The following VTI1A variants were observed in gnomAD, a reference collection of about 807,000 sequenced individuals.
The protein encoded by VTI1A is vesicle transport through interaction with t-SNAREs 1A.
Under a neutral mutation model 34.9 loss-of-function variants are expected in VTI1A, and 22 were observed. The ratio of observed to expected loss-of-function variants is 0.63; its 90% confidence interval spans 0.45 to 0.90. The LOEUF (loss-of-function observed/expected upper bound fraction) is 0.90, where lower values mean the gene tolerates loss of function less well. Among genes scored for constraint, VTI1A ranks in the 40% least tolerant of loss-of-function variants. The pLI is 0.00. For missense variants in VTI1A, 268 were observed against 275.6 expected (o/e 0.97, Z 0.20); for synonymous variants, 87 against 97.3 (o/e 0.89, Z 0.62).
At chr10:112,780,554 A>G (rs1257920084) in intron 7 of VTI1A, among the ~76,000 whole-genome samples, 1 of 152,164 alleles carries the variant, frequency 6.6e-6, no homozygotes, top group African/African-American at 2.4e-5. Context: ...AATTATTATA[A>G]TAATTAACCA....
At chr10:112,847,719 ATCTT>A in the VTI1A span, among the ~76,000 whole-genome samples, 1 of 152,234 alleles carries the variant, frequency 6.6e-6, no homozygotes, top group East Asian at 1.9e-4. Flanking sequence ...CATCCTGAGA[ATCTT>A]TCTGATCATC....
At chr10:112,794,400 A>C (rs528367221) in intron 7 of VTI1A, among the ~76,000 whole-genome samples, 2 of 152,164 alleles carry the variant, frequency 1.3e-5, no homozygotes, top group African/African-American at 4.8e-5. Context: ...TACAAAAAAT[A>C]AATTAGCCAG....
intron 1 of VTI1A, chr10:112,449,168 T>G (rs1847130387): frequency 6.6e-6 from 1 of 152,264 alleles, no homozygotes; most frequent in Non-Finnish European, 1.5e-5. Context: ...TTTGTTATTG[T>G]TGGAGACTAC....
chr10:112,712,310 A>G (rs1458627049), intron 7 of VTI1A, among the ~76,000 whole-genome samples: 2 of 152,160 alleles, frequency 1.3e-5, no homozygotes, highest in African/African-American at 4.8e-5. Flanking sequence ...GAGTCCTCAC[A>G]TGTATTTTCA....
Position 112,816,924 on chromosome 10 carries a change from G to A in VTI1A, c.*1541G>A. 3 of 230,968 alleles carry A rather than the reference G, an allele frequency of 1.3e-5. No homozygotes were observed. The highest frequency in any genetic ancestry group is 1.7e-5 in the Non-Finnish European group (2 of 116,664). The allele number at this position is 230,968 out of a possible 1,614,324, so 14.3% of individuals were successfully genotyped here. On this transcript the variant is annotated 3_prime_UTR_variant, in exon 8 of 8. Transcript: ENST00000393077. Reference sequence around the variant, plus strand: ...ACAGGCCAAGGCCTGCATGTGTTCGGATAAATCATTTAGTATTGTGTAAAT... The same window carrying A: ...ACAGGCCAAGGCCTGCATGTGTTCGAATAAATCATTTAGTATTGTGTAAAT...
At chr10:112,785,526 A>C (rs1255876633) in intron 7 of VTI1A, among the ~76,000 whole-genome samples, 1 of 152,220 alleles carries the variant, frequency 6.6e-6, no homozygotes, top group Non-Finnish European at 1.5e-5. Context: ...AAAATTTATC[A>C]ATTTTTAATT....
At position 112,815,468 on chromosome 10, in the gene VTI1A, G is replaced by T. The variant is rs935800807; in HGVS notation, c.*85G>T. Reference sequence around the variant, plus strand: ...ATGGTCACATGAATCATTCTGTTGCGCTGACAGGCCCCAGGTGACCCTCTC... The same window carrying T: ...ATGGTCACATGAATCATTCTGTTGCTCTGACAGGCCCCAGGTGACCCTCTC... On this transcript the variant is annotated 3_prime_UTR_variant, in exon 8 of 8. Transcript: ENST00000393077. The T allele has an allele frequency of 8.1e-7, 1 of 1,231,452 alleles. No homozygotes were observed. The highest frequency in any genetic ancestry group is 1.2e-5 in the South Asian group (1 of 80,516). 76.3% of individuals were successfully genotyped at this position (1,231,452 alleles called of 1,614,324 possible).
intron 1 of VTI1A, among the ~76,000 whole-genome samples, chr10:112,460,155 T>G (rs1338673262): frequency 6.6e-6 from 1 of 152,248 alleles, no homozygotes; most frequent in Non-Finnish European, 1.5e-5. Context: ...TAAATTGTAT[T>G]AACAAATCAG....
chr10:112,807,189 C>T (rs1025257099), intron 7 of VTI1A, among the ~76,000 whole-genome samples: 7 of 152,102 alleles, frequency 4.6e-5, no homozygotes, highest in African/African-American at 1.4e-4. Context: ...ACGTGGAAAA[C>T]AGTCATCACG....
At chr10:112,665,165 A>G (rs963989542) in intron 5 of VTI1A, among the ~76,000 whole-genome samples, 14 of 152,204 alleles carry the variant, frequency 9.2e-5, no homozygotes, top group Admixed American at 8.5e-4. Context: ...ATTATTCAAG[A>G]AAAATAAACC....
the VTI1A span, among the ~76,000 whole-genome samples, chr10:112,830,136 T>C: frequency 6.6e-6 from 1 of 152,236 alleles, no homozygotes; most frequent in South Asian, 2.1e-4. Context: ...ACTAGGTAGG[T>C]TGTCCAAGCT....
intron 7 of VTI1A, among the ~76,000 whole-genome samples, chr10:112,787,702 T>TC (rs200387799): frequency 0.21 from 24,807 of 116,564 alleles, 1,816 homozygotes; most frequent in Middle Eastern, 0.32. Flanking sequence ...TCTTTTCTTT[T>TC]TTTTTTTTTT....
intron 5 of VTI1A, among the ~76,000 whole-genome samples, chr10:112,556,216 C>T (rs1336348459): frequency 6.6e-6 from 1 of 151,730 alleles, no homozygotes; most frequent in East Asian, 1.9e-4. Context: ...TCGTAGAAGC[C>T]TATGATTCTA....
At chr10:112,800,869 G>T (rs1403407214) in intron 7 of VTI1A, among the ~76,000 whole-genome samples, 2 of 152,298 alleles carry the variant, frequency 1.3e-5, no homozygotes, top group Admixed American at 6.5e-5. Flanking sequence ...CACTAAAACA[G>T]TCAAGAGGAT....
intron 7 of VTI1A, among the ~76,000 whole-genome samples, chr10:112,762,387 C>T (rs1851498515): frequency 6.6e-6 from 1 of 152,046 alleles, no homozygotes; most frequent in African/African-American, 2.4e-5. Context: ...GGTAGTAATC[C>T]AGAAACACGA....
At chr10:112,827,149 C>T in the VTI1A span, 1 of 152,138 alleles carries the variant, frequency 6.6e-6, no homozygotes. Flanking sequence ...TCATTAGGCC[C>T]GAGAGCTGCT....
intron 5 of VTI1A, among the ~76,000 whole-genome samples, chr10:112,570,924 A>C (rs1055895143): frequency 6.6e-6 from 1 of 152,266 alleles, no homozygotes; most frequent in African/African-American, 2.4e-5. Context: ...AAGAGTTTAC[A>C]TAGATTATTT....
At chr10:112,803,967 C>T (rs570034350) in intron 7 of VTI1A, among the ~76,000 whole-genome samples, 3 of 152,202 alleles carry the variant, frequency 2.0e-5, no homozygotes, top group Admixed American at 1.3e-4. Context: ...CCAGCAAAGC[C>T]GCTCTGCAGG....
At chr10:112,631,463 GTC>G (rs1210223305) in intron 5 of VTI1A, among the ~76,000 whole-genome samples, 3 of 152,034 alleles carry the variant, frequency 2.0e-5, no homozygotes, top group Non-Finnish European at 4.4e-5. Flanking sequence ...TCTTCTTCCT[GTC>G]TCTATAGATT....
Sources: allele counts gnomAD v4.1 joint callset (sites outside exome capture counted in the v4.1 genomes callset), GRCh38; gene constraint gnomAD v4.1.1; transcripts MANE v1.5; gene names NCBI Gene and HGNC (gene_info 2026-07-23, HGNC 2026-07-21).